The following PSMD14 variants were observed in gnomAD, a reference collection of about 807,000 sequenced individuals.
The protein encoded by PSMD14 is proteasome 26S subunit, non-ATPase 14.
A neutral mutation model predicts 41.2 loss-of-function variants in PSMD14; 7 were observed. The ratio of observed to expected loss-of-function variants is 0.17; its 90% confidence interval spans 0.10 to 0.32. The LOEUF (loss-of-function observed/expected upper bound fraction) is 0.32, where lower values mean the gene tolerates loss of function less well. Ranked by LOEUF, PSMD14 falls within the 10% of genes least tolerant of loss-of-function variation. The pLI, the probability that PSMD14 is intolerant of heterozygous loss-of-function variation, is 1.00. For missense variants in PSMD14, 139 were observed against 375.6 expected (o/e 0.37, Z 5.21); for synonymous variants, 114 against 122.3 (o/e 0.93, Z 0.45).
chr2:161,355,656 A>G (rs1683185796), intron 3 of PSMD14, among the ~76,000 whole-genome samples: 1 of 152,152 alleles, frequency 6.6e-6, no homozygotes, highest in Admixed American at 6.6e-5. Context: ...TCATCAGACT[A>G]TGCTGTGATT....
intron 10 of PSMD14, among the ~76,000 whole-genome samples, chr2:161,397,325 T>C (rs947859077): frequency 1.3e-5 from 2 of 152,046 alleles, no homozygotes; most frequent in Admixed American, 6.6e-5. Flanking sequence ...GAGGTACCAA[T>C]AGGCAAATAA....
intron 3 of PSMD14, among the ~76,000 whole-genome samples, chr2:161,321,752 C>A (rs1281905170): frequency 2.0e-5 from 3 of 152,142 alleles, no homozygotes; most frequent in Non-Finnish European, 4.4e-5. Flanking sequence ...TCCAGAAATA[C>A]AGATTAGGAG....
intron 3 of PSMD14, among the ~76,000 whole-genome samples, chr2:161,360,179 A>G (rs985428777): frequency 6.8e-6 from 1 of 147,116 alleles, no homozygotes; most frequent in Non-Finnish European, 1.5e-5. Context: ...CGTAACATAT[A>G]TATATGCATG....
intron 3 of PSMD14, among the ~76,000 whole-genome samples, chr2:161,343,588 G>C (rs970597685): frequency 6.6e-6 from 1 of 152,206 alleles, no homozygotes; most frequent in Non-Finnish European, 1.5e-5. Context: ...TGCACTTTGG[G>C]AGGCCAAGGT....
At chr2:161,370,217 A>C (rs1299255310) in intron 6 of PSMD14, 40 bp downstream of exon 6, 1 of 1,373,918 alleles carries the variant, frequency 7.3e-7, no homozygotes, top group Admixed American at 2.4e-5. Context: ...ATAATGGGAA[A>C]TATTTATAGA....
intron 3 of PSMD14, among the ~76,000 whole-genome samples, chr2:161,325,016 C>T (rs1574115685): frequency 6.6e-6 from 1 of 152,138 alleles, no homozygotes; most frequent in Non-Finnish European, 1.5e-5. Context: ...TGACATACAA[C>T]CTGCAAGTTT....
At chr2:161,401,768 A>G (rs1300503227) in intron 10 of PSMD14, among the ~76,000 whole-genome samples, 1 of 118,306 alleles carries the variant, frequency 8.5e-6, no homozygotes. Context: ...TTAATAAATC[A>G]TGCATTTGAC....
intron 7 of PSMD14, among the ~76,000 whole-genome samples, chr2:161,374,595 T>G (rs774181706): frequency 3.9e-5 from 6 of 152,036 alleles, no homozygotes; most frequent in Non-Finnish European, 7.4e-5. Flanking sequence ...TGAAATAGTT[T>G]ATAAGGTCCG....
intron 3 of PSMD14, among the ~76,000 whole-genome samples, chr2:161,332,315 C>A (rs1015589461): frequency 6.6e-6 from 1 of 152,096 alleles, no homozygotes; most frequent in Non-Finnish European, 1.5e-5. Flanking sequence ...TACTTTTTTA[C>A]GTCTTTAAAA....
intron 10 of PSMD14, among the ~76,000 whole-genome samples, chr2:161,405,054 G>A (rs1322924768): frequency 6.6e-6 from 1 of 152,132 alleles, no homozygotes; most frequent in Non-Finnish European, 1.5e-5. Flanking sequence ...TCAAGAGTAA[G>A]CAATATTGTC....
At chr2:161,350,142 A>G (rs896035676) in intron 3 of PSMD14, among the ~76,000 whole-genome samples, 3 of 152,216 alleles carry the variant, frequency 2.0e-5, no homozygotes, top group Admixed American at 6.5e-5. Context: ...GGCAGAACAA[A>G]TAAAATGTGT....
At chr2:161,327,774 T>C (rs984021720) in intron 3 of PSMD14, among the ~76,000 whole-genome samples, 11 of 152,070 alleles carry the variant, frequency 7.2e-5, no homozygotes, top group Non-Finnish European at 1.3e-4. Context: ...TGACCTCATT[T>C]AACAAAAGAA....
At chr2:161,320,083 G>T (rs1689186692) in intron 3 of PSMD14, among the ~76,000 whole-genome samples, 1 of 152,114 alleles carries the variant, frequency 6.6e-6, no homozygotes, top group Non-Finnish European at 1.5e-5. Context: ...ACATTCTAGA[G>T]AGCTTCTAGA....
At chr2:161,400,990 G>C (rs1390085006) in intron 10 of PSMD14, among the ~76,000 whole-genome samples, 1 of 152,100 alleles carries the variant, frequency 6.6e-6, no homozygotes, top group Non-Finnish European at 1.5e-5. Context: ...TACATACATA[G>C]ATGTACATGG....
chr2:161,357,076 C>CTTT lies in PSMD14; in HGVS notation c.49-10392_49-10390dup, dbSNP rs71281822. On this transcript the variant is annotated intron_variant, in intron 3 of 11. Coordinates refer to ENST00000409682, the MANE Select transcript of PSMD14 (RefSeq NM_005805.6). ...TTTATGCTGTTATAATGGCAAATGC[C>CTTT]TTTTTTTTTTTTAGCACTTAGTCAA... Among the ~76,000 whole-genome samples the CTTT allele has an allele frequency of 3.8e-3, 471 of 124,114 alleles. 41 individuals carry two copies. Among genetic ancestry groups the CTTT allele is most frequent in the South Asian group, 0.02 (74 of 3,718 alleles). The allele number at this position is 124,114 out of a possible 152,430, so 81.4% of individuals were successfully genotyped here.
chr2:161,393,054 C>G (rs1188645647), intron 9 of PSMD14, among the ~76,000 whole-genome samples: 2 of 152,088 alleles, frequency 1.3e-5, no homozygotes, highest in East Asian at 1.9e-4. Flanking sequence ...CTCAGTTTAG[C>G]TGTTAACCTG....
chr2:161,340,825 T>G, intron 3 of PSMD14: 2 of 1,613,954 alleles, frequency 1.2e-6, no homozygotes, highest in Middle Eastern at 1.7e-4. Flanking sequence ...TATTCTTCAG[T>G]TCTCTGCTCC....
At chr2:161,388,487 G>T (rs1298498139) in intron 8 of PSMD14, among the ~76,000 whole-genome samples, 3 of 151,976 alleles carry the variant, frequency 2.0e-5, no homozygotes, top group African/African-American at 7.2e-5. Context: ...TATATATACA[G>T]TTAAAAAAAT....
intron 7 of PSMD14, among the ~76,000 whole-genome samples, chr2:161,378,693 A>G (rs1683534929): frequency 6.6e-6 from 1 of 151,988 alleles, no homozygotes; most frequent in African/African-American, 2.4e-5. Context: ...GATGAAGAGT[A>G]CTGGCTTTGG....
Sources: allele counts gnomAD v4.1 joint callset (sites outside exome capture counted in the v4.1 genomes callset), GRCh38; gene constraint gnomAD v4.1.1; transcripts MANE v1.5; gene names NCBI Gene and HGNC (gene_info 2026-07-23, HGNC 2026-07-21).